The following TNRC6B variants were observed in gnomAD, a reference collection of about 807,000 sequenced individuals.
TNRC6B encodes trinucleotide repeat containing adaptor 6B, also known as trinucleotide repeat-containing gene 6B protein.
TNRC6B carries 52 observed loss-of-function variants against 203.6 expected under a neutral mutation model. The ratio of observed to expected loss-of-function variants is 0.26; its 90% CI spans 0.20 to 0.32. TNRC6B has a LOEUF of 0.32. Among genes scored for constraint, TNRC6B ranks in the 10% least tolerant of loss-of-function variants. The pLI is 1.00. For missense variants in TNRC6B, 1,923 were observed against 2,286.2 expected, an observed-to-expected ratio of 0.84 and a Z score of 3.24; for synonymous variants, 838 against 845.7, an observed-to-expected ratio of 0.99 and a Z score of 0.16.
At chr22:40,104,782 T>C (rs985284004) in intron 1 of TNRC6B, among the ~76,000 whole-genome samples, 4 of 152,156 alleles carry the variant, frequency 2.6e-5, no homozygotes, top group Admixed American at 2.6e-4. Context: ...ATTCCAAAAA[T>C]TTTACATATG....
At chr22:40,141,043 A>G (rs1207331486) in intron 3 of TNRC6B, among the ~76,000 whole-genome samples, 1 of 152,178 alleles carries the variant, frequency 6.6e-6, no homozygotes. Context: ...ACAGAGAATA[A>G]AATAACAGAT....
chr22:40,280,503 T>C (rs569778224), intron 10 of TNRC6B, among the ~76,000 whole-genome samples: 126 of 152,224 alleles, frequency 8.3e-4, no homozygotes, highest in Non-Finnish European at 1.6e-3. Flanking sequence ...GGCCTTGCCT[T>C]CTTCTAGTTT....
intron 11 of TNRC6B, among the ~76,000 whole-genome samples, chr22:40,281,864 G>A (rs950778771): frequency 1.3e-5 from 2 of 152,188 alleles, no homozygotes; most frequent in Admixed American, 6.5e-5. Flanking sequence ...CCTGGGGTTG[G>A]ATCTGGCAAC....
intron 3 of TNRC6B, among the ~76,000 whole-genome samples, chr22:40,258,101 T>TTTTTTTTTTTTTTA (rs869114055): frequency 9.2e-6 from 1 of 108,426 alleles, no homozygotes; most frequent in South Asian, 2.9e-4. Context: ...TTTTTTTTTT[T>TTTTTTTTTTTTTTA]ACCCCACAAT....
rs141265757 is a variant in TNRC6B, at chr22:40,333,358, G to GACACAC, written c.*10127_*10132dup. ...ACTCAAAAACATAAAATAAACAAAA[G>GACACAC]ACACACACACACACAAAAACCCTGT... On this transcript the variant is annotated 3_prime_UTR_variant, in exon 23 of 23. Transcript: ENST00000454349. The GACACAC allele has an allele frequency of 6.6e-6, 1 of 152,070 alleles. No individual in the cohort carries two copies. Among genetic ancestry groups the GACACAC allele is most frequent in the Non-Finnish European group, 1.5e-5 (1 of 67,926 alleles). 9.4% of individuals were successfully genotyped at this position (152,070 alleles called of 1,614,324 possible).
At chr22:40,138,558 G>T (rs987107101) in intron 3 of TNRC6B, among the ~76,000 whole-genome samples, 4 of 152,172 alleles carry the variant, frequency 2.6e-5, no homozygotes, top group Non-Finnish European at 5.9e-5. Context: ...GAGCCACCAC[G>T]CCTGGCCTGT....
intron 2 of TNRC6B, among the ~76,000 whole-genome samples, chr22:40,119,229 T>C (rs2068420468): frequency 6.6e-6 from 1 of 152,228 alleles, no homozygotes; most frequent in South Asian, 2.1e-4. Flanking sequence ...ATCCACCACC[T>C]ACCACAGGTC....
chr22:40,066,057 C>T (rs1226525473), intron 1 of TNRC6B, among the ~76,000 whole-genome samples: 1 of 152,116 alleles, frequency 6.6e-6, no homozygotes, highest in Admixed American at 6.5e-5. Context: ...CTACTGTATG[C>T]TGCAAATTCT....
At chr22:40,321,365 T>C in intron 22 of TNRC6B, 136 bp downstream of exon 22, 9 of 1,094,894 alleles carry the variant, frequency 8.2e-6, no homozygotes, top group Middle Eastern at 3.0e-4. Flanking sequence ...TCTGCAAGTC[T>C]CGAGTGTGGA....
Position 40,281,127 on chromosome 22 carries a change from G to T in TNRC6B, c.3420G>T (p.Leu1140Phe). 6.5e-7 allele frequency: 1 copy of T among 1,548,962 alleles called. No homozygotes were observed. Among genetic ancestry groups the T allele is most frequent in the South Asian group, 1.2e-5 (1 of 83,628 alleles). The stretch of plus-strand genomic sequence containing the variant: ...CTCCTACTACTTTTCAGCTGACTTT[G>T]CCTTTCTCCAATCAAGATGGGTGCC... Reference protein sequence around the residue: ...DSGPYFEKLTLPFSNQDGCLG... With the variant: ...DSGPYFEKLTFPFSNQDGCLG... The change falls in exon 11 of 23, where the codon TTG becomes TTT. Residue 1140 changes from leucine (L) to phenylalanine (F), a missense_variant. Physicochemically the swap from Leu to Phe is conservative, Grantham distance 22. Coordinates refer to ENST00000454349, the MANE Select transcript of TNRC6B (RefSeq NM_001162501.2).
intron 3 of TNRC6B, among the ~76,000 whole-genome samples, chr22:40,261,588 C>T (rs898097109): frequency 4.0e-5 from 6 of 151,456 alleles, no homozygotes; most frequent in Non-Finnish European, 7.4e-5. Flanking sequence ...TGTGAGACTC[C>T]GTCTCAAAAA....
intron 12 of TNRC6B, among the ~76,000 whole-genome samples, chr22:40,292,937 T>C (rs942491222): frequency 6.6e-6 from 1 of 152,202 alleles, no homozygotes; most frequent in African/African-American, 2.4e-5. Flanking sequence ...CTTTAAACAA[T>C]CTGTTGTTTT....
chr22:40,193,171 T>G (rs1041582332), intron 1 of TNRC6B, among the ~76,000 whole-genome samples: 4 of 152,148 alleles, frequency 2.6e-5, no homozygotes, highest in Non-Finnish European at 5.9e-5. Flanking sequence ...TCATCCTGCT[T>G]CTTGTTGTCG....
upstream of TNRC6B, chr22:40,177,794 G>A (rs2069079212): frequency 8.0e-7 from 1 of 1,255,582 alleles, no homozygotes; most frequent in South Asian, 3.0e-5. Context: ...ACAAATGAAA[G>A]TGAGTGGAAA....
chr22:40,200,781 C>A (rs573130846), intron 1 of TNRC6B, among the ~76,000 whole-genome samples: 60 of 152,192 alleles, frequency 3.9e-4, no homozygotes, highest in African/African-American at 1.4e-3. Flanking sequence ...CTGGGAATTA[C>A]AATGGTCATC....
At chr22:40,253,725 A>C (rs1440990684) in intron 3 of TNRC6B, 1 of 456,166 alleles carries the variant, frequency 2.2e-6, no homozygotes, top group Non-Finnish European at 4.4e-6. Context: ...GACTGTAAAC[A>C]GAGGGAGGGC....
intron 4 of TNRC6B, among the ~76,000 whole-genome samples, chr22:40,169,216 C>T (rs1436210865): frequency 6.8e-6 from 1 of 147,344 alleles, no homozygotes; most frequent in African/African-American, 2.5e-5. Context: ...ACTGCAATCT[C>T]TGCCTCCCGG....
At chr22:40,107,817 T>TAA (rs2068299748) in intron 1 of TNRC6B, among the ~76,000 whole-genome samples, 1 of 151,930 alleles carries the variant, frequency 6.6e-6, no homozygotes. Flanking sequence ...TCCATAAATT[T>TAA]AAACCTCTTT....
chr22:40,101,088 G>C (rs2068236657), intron 1 of TNRC6B, among the ~76,000 whole-genome samples: 1 of 151,902 alleles, frequency 6.6e-6, no homozygotes, highest in Non-Finnish European at 1.5e-5. Flanking sequence ...CACCTCCCGG[G>C]CTCAAGCAAT....
Sources: allele counts gnomAD v4.1 joint callset (sites outside exome capture counted in the v4.1 genomes callset), GRCh38; gene constraint gnomAD v4.1.1; transcripts MANE v1.5; gene names NCBI Gene and HGNC (gene_info 2026-07-23, HGNC 2026-07-21).